The following TBXAS1 variants were observed in gnomAD, a reference collection of about 807,000 sequenced individuals.
The protein encoded by TBXAS1 is thromboxane-A synthase.
TBXAS1 carries 48 observed loss-of-function variants against 60.7 expected under a neutral mutation model. The observed-to-expected ratio is 0.79, with a 90% confidence interval of 0.63 to 1.01. The LOEUF (loss-of-function observed/expected upper bound fraction) is 1.01. Ranked by LOEUF, TBXAS1 falls within the 50% of genes least tolerant of loss-of-function variation. The pLI is 0.00. For missense variants in TBXAS1, 685 were observed against 686.3 expected (o/e 1.00, Z 0.02); for synonymous variants, 287 against 269.7 (o/e 1.06, Z -0.63).
At chr7:139,903,796 ATTGT>A (rs1263033565) in intron 3 of TBXAS1, among the ~76,000 whole-genome samples, 6 of 150,886 alleles carry the variant, frequency 4.0e-5, no homozygotes, top group African/African-American at 1.5e-4. Context: ...TTTTGATGGG[ATTGT>A]TTGTTTTTTT....
rs1437070006 is a variant in TBXAS1 at position 139,896,788 on chromosome 7, G to A, written c.237-14437G>A. ...TGGAAACACAGGTATAAGAGGAATG[G>A]GGTGAGGAGAGAAGTCAGGAGCTCC... On this transcript the variant is annotated intron_variant, in intron 3 of 12. Transcript: ENST00000448866. This position sits in a 1 kb window ranked among gnomAD's most constrained non-coding sequence, Gnocchi z 4.0. 6.6e-6 allele frequency among the ~76,000 whole-genome samples: 1 copy of A among 152,204 alleles called. No individual in the cohort carries two copies. Among genetic ancestry groups the A allele is most frequent in the East Asian group, 1.9e-4 (1 of 5,198 alleles).
At chr7:139,964,847 C>T (rs927882814) in intron 9 of TBXAS1, among the ~76,000 whole-genome samples, 4 of 152,154 alleles carry the variant, frequency 2.6e-5, no homozygotes, top group African/African-American at 7.2e-5. Context: ...AGCCATGGGG[C>T]GATAGGAGTC....
intron 3 of TBXAS1, among the ~76,000 whole-genome samples, chr7:139,905,298 C>T (rs1266811186): frequency 2.6e-5 from 4 of 151,938 alleles, no homozygotes; most frequent in South Asian, 4.2e-4. Context: ...CCTTGTATGC[C>T]GATTTTGCTG....
chr7:139,792,139 G>T (rs1423146480), intron 4 of TBXAS1, among the ~76,000 whole-genome samples: 2 of 152,118 alleles, frequency 1.3e-5, no homozygotes, highest in African/African-American at 4.8e-5. Context: ...TAAGTGCCCT[G>T]AACCTGAATA....
At chr7:139,912,980 G>T in intron 4 of TBXAS1, 1 of 636,448 alleles carries the variant, frequency 1.6e-6, no homozygotes, top group South Asian at 1.7e-5. Context: ...CCAAAGCTGT[G>T]ACAGCTGCCT....
intron 4 of TBXAS1, among the ~76,000 whole-genome samples, chr7:139,933,652 T>C (rs571172706): frequency 6.6e-6 from 1 of 152,334 alleles, no homozygotes; most frequent in African/African-American, 2.4e-5. Context: ...ACTTTGCAGT[T>C]ACGTTTTATG....
At chr7:139,788,199 T>C (rs564353195) in intron 4 of TBXAS1, among the ~76,000 whole-genome samples, 16 of 152,276 alleles carry the variant, frequency 1.1e-4, no homozygotes, top group Non-Finnish European at 1.9e-4. Flanking sequence ...GTGCCATTTT[T>C]CCCCCTATCC....
chr7:139,833,362 C>A (rs80003459), intron 1 of TBXAS1, among the ~76,000 whole-genome samples: 11,714 of 152,000 alleles, frequency 0.077, 1,539 homozygotes, highest in African/African-American at 0.27. Flanking sequence ...TCAGACAAAA[C>A]AAATCGTAAA....
At chr7:139,888,423 G>T (rs753738004) in intron 3 of TBXAS1, among the ~76,000 whole-genome samples, 1 of 152,082 alleles carries the variant, frequency 6.6e-6, no homozygotes, top group African/African-American at 2.4e-5. Context: ...CTGACCCTTC[G>T]ATCTCTGGGC....
chr7:139,899,282 A>C (rs1804382657), intron 3 of TBXAS1, among the ~76,000 whole-genome samples: 2 of 152,168 alleles, frequency 1.3e-5, no homozygotes, highest in South Asian at 4.2e-4. Flanking sequence ...ACATTTTTTC[A>C]TGTCGGTGCC....
intron 11 of TBXAS1, 132 bp from the exon 12 acceptor site, chr7:140,017,539 T>C: frequency 1.6e-6 from 2 of 1,214,240 alleles, no homozygotes; most frequent in East Asian, 4.9e-5. Context: ...GGCTCAGGAA[T>C]GAGCAGCCAT....
chr7:139,796,685 G>A (rs1178748884), intron 4 of TBXAS1, among the ~76,000 whole-genome samples: 1 of 152,188 alleles, frequency 6.6e-6, no homozygotes, highest in East Asian at 1.9e-4. Context: ...TGTCATAAAT[G>A]TACCACATTA....
Position 140,015,754 on chromosome 7 carries a change from G to C in TBXAS1, c.1258G>C (p.Val420Leu). 1 of 1,613,548 alleles carries C rather than the reference G, an allele frequency of 6.2e-7. No homozygotes were observed. Among genetic ancestry groups the C allele is most frequent in the East Asian group, 2.2e-5 (1 of 44,876 alleles). ...FTREAAQDCE[V>L]LGQRIPAGAV... ...ACGGGAGGCAGCTCAGGACTGCGAG[G>C]TGCTGGGGCAGCGCATCCCCGCAGG... Residue 420 changes from valine to leucine, a missense_variant, in exon 11 of 13, where the codon GTG becomes CTG. By Grantham distance (32) the Val-to-Leu change is conservative (BLOSUM62 1). Transcript: ENST00000448866.
At chr7:139,956,459 A>G (rs940340516) in intron 7 of TBXAS1, among the ~76,000 whole-genome samples, 2 of 152,124 alleles carry the variant, frequency 1.3e-5, no homozygotes, top group African/African-American at 4.8e-5. Context: ...TTTTATTTTT[A>G]TTGTAGAAGT....
At chr7:139,925,953 G>A (rs1806843757) in intron 4 of TBXAS1, among the ~76,000 whole-genome samples, 1 of 152,126 alleles carries the variant, frequency 6.6e-6, no homozygotes, top group Non-Finnish European at 1.5e-5. Flanking sequence ...ATTTGTATAT[G>A]TTGAGCCATG....
At chr7:139,964,972 A>C (rs1175738168) in intron 9 of TBXAS1, among the ~76,000 whole-genome samples, 1 of 152,172 alleles carries the variant, frequency 6.6e-6, no homozygotes, top group Non-Finnish European at 1.5e-5. Context: ...TCATCCCAGC[A>C]CTTTGGGAGG....
In TBXAS1 at chr7:139,894,927, C is replaced by A. The variant is rs77238972; in HGVS notation, c.237-16298C>A. Among the ~76,000 whole-genome samples, 630 of 152,310 alleles carry A rather than the reference C, an allele frequency of 4.1e-3. 4 individuals are homozygous for A. The highest frequency in any genetic ancestry group is 0.015 in the African/African-American group (603 of 41,548). ...TTCATGTCTCTTTTCCCAAAGAAAG[C>A]TGACATCTAATTTAGGAGAAAAACC... is the stretch of plus-strand genomic sequence containing the variant. On this transcript the variant is annotated intron_variant, in intron 3 of 12. Transcript: ENST00000448866.
chr7:139,902,258 CA>C (rs1238484731), intron 3 of TBXAS1, among the ~76,000 whole-genome samples: 1 of 151,914 alleles, frequency 6.6e-6, no homozygotes, highest in Non-Finnish European at 1.5e-5. Context: ...CCTGTATAGC[CA>C]CATGCACCCA....
At chr7:139,797,666 C>A (rs1461507585) in intron 4 of TBXAS1, among the ~76,000 whole-genome samples, 1 of 152,110 alleles carries the variant, frequency 6.6e-6, no homozygotes, top group Non-Finnish European at 1.5e-5. Flanking sequence ...CCTGTGTAGT[C>A]TTTAGGGTGA....
Sources: allele counts gnomAD v4.1 joint callset (sites outside exome capture counted in the v4.1 genomes callset), GRCh38; gene constraint gnomAD v4.1.1; non-coding constraint Gnocchi (gnomAD v3.1); transcripts MANE v1.5; gene names NCBI Gene and HGNC (gene_info 2026-07-23, HGNC 2026-07-21).